JMJD1C: variants seen among roughly 807,000 people sequenced by gnomAD.
JMJD1C encodes jumonji domain-containing protein 1C.
A neutral mutation model predicts 245.3 loss-of-function variants in JMJD1C; 31 were observed. The observed-to-expected ratio is 0.13, with a 90% confidence interval of 0.09 to 0.17. The LOEUF (loss-of-function observed/expected upper bound fraction) is 0.17, where lower values mean the gene tolerates loss of function less well. JMJD1C is among the 10% of genes least tolerant of loss of function. The pLI is 1.00. For synonymous variants in JMJD1C, 1,057 were observed against 1,017.4 expected, an observed-to-expected ratio of 1.04 and a Z score of -0.74; for missense variants, 2,691 against 3,000.2, an observed-to-expected ratio of 0.90 and a Z score of 2.41.
At chr10:63,343,333 T>G (rs972680343) in intron 2 of JMJD1C, among the ~76,000 whole-genome samples, 4 of 151,538 alleles carry the variant, frequency 2.6e-5, no homozygotes, top group Non-Finnish European at 5.9e-5. Context: ...ACCATTACAT[T>G]TCAGCCTGGG....
At chr10:63,189,655 GC>G (rs1399131085) in intron 17 of JMJD1C, among the ~76,000 whole-genome samples, 3 of 152,110 alleles carry the variant, frequency 2.0e-5, no homozygotes, top group Non-Finnish European at 4.4e-5. Context: ...TAGAAGTACA[GC>G]CTTCCTGTCT....
At chr10:63,174,500 T>G (rs771295043) in intron 24 of JMJD1C, among the ~76,000 whole-genome samples, 3 of 151,836 alleles carry the variant, frequency 2.0e-5, no homozygotes, top group Non-Finnish European at 4.4e-5. Context: ...AAAAGCAGAT[T>G]AGTTGCAGGA....
chr10:63,219,809 T>C (rs905523160), intron 4 of JMJD1C, 69 bp downstream of exon 4: 18 of 1,066,026 alleles, frequency 1.7e-5, no homozygotes, highest in Non-Finnish European at 2.5e-5. Context: ...CACAATTGAA[T>C]AACCAAAAAC....
intron 1 of JMJD1C, among the ~76,000 whole-genome samples, chr10:63,414,063 T>C (rs2132684809): frequency 6.6e-6 from 1 of 150,828 alleles, no homozygotes; most frequent in South Asian, 2.1e-4. Flanking sequence ...CTTGGCTCAC[T>C]GCAAGCCCCA....
At chr10:63,385,886 A>G (rs1947552062) in intron 1 of JMJD1C, among the ~76,000 whole-genome samples, 1 of 152,056 alleles carries the variant, frequency 6.6e-6, no homozygotes, top group African/African-American at 2.4e-5. Flanking sequence ...GTATTTTAAG[A>G]CAATAAAAAG....
At chr10:63,353,373 T>C (rs928223989) in intron 2 of JMJD1C, among the ~76,000 whole-genome samples, 4 of 152,236 alleles carry the variant, frequency 2.6e-5, no homozygotes, top group African/African-American at 9.6e-5. Context: ...GCAAGTCTTA[T>C]AAATGAATAT....
chr10:63,501,943 C>A (rs1954575446), intron 1 of JMJD1C, among the ~76,000 whole-genome samples: 1 of 152,036 alleles, frequency 6.6e-6, no homozygotes, highest in Non-Finnish European at 1.5e-5. Flanking sequence ...GTAAAGACTT[C>A]ATTTTGGTAT....
intron 2 of JMJD1C, among the ~76,000 whole-genome samples, chr10:63,336,461 A>AAAT (rs1018901908): frequency 4.6e-5 from 7 of 152,148 alleles, no homozygotes; most frequent in African/African-American, 1.7e-4. Context: ...CTGTCTCAAA[A>AAAT]AATAATAATA....
intron 2 of JMJD1C, among the ~76,000 whole-genome samples, chr10:63,314,759 TG>T (rs1939722199): frequency 6.6e-6 from 1 of 152,026 alleles, no homozygotes; most frequent in African/African-American, 2.4e-5. Flanking sequence ...GCGATTCTCC[TG>T]CCTCAGCCAC....
At chr10:63,482,592 C>T (rs569124176) in intron 1 of JMJD1C, among the ~76,000 whole-genome samples, 2 of 152,102 alleles carry the variant, frequency 1.3e-5, no homozygotes, top group South Asian at 2.1e-4. Flanking sequence ...GCTGACATCG[C>T]GCCACTGCAC....
At chr10:63,188,983 C>T (rs1844451505) in intron 18 of JMJD1C, among the ~76,000 whole-genome samples, 185 bp downstream of exon 18, 1 of 152,074 alleles carries the variant, frequency 6.6e-6, no homozygotes, top group Non-Finnish European at 1.5e-5. Context: ...TTAAATCTGG[C>T]CAAAAAACAG....
chr10:63,521,615 G>C, intron 1 of JMJD1C: 1 of 1,370,858 alleles, frequency 7.3e-7, no homozygotes, highest in South Asian at 1.6e-5. Context: ...CCGGCGCGAG[G>C]CCCAGGGGAG....
At chr10:63,409,639 G>T (rs192479089) in intron 1 of JMJD1C, among the ~76,000 whole-genome samples, 1 of 152,206 alleles carries the variant, frequency 6.6e-6, no homozygotes, top group Non-Finnish European at 1.5e-5. Context: ...GAGAAGGTAA[G>T]ATTGTAAATG....
chr10:63,359,092 A>C (rs1945108397), intron 2 of JMJD1C: 1 of 153,252 alleles, frequency 6.5e-6, no homozygotes, highest in Non-Finnish European at 1.5e-5. Flanking sequence ...AATATTTGAG[A>C]ACCTAAATTC....
chr10:63,275,903 T>G (rs1355445451), intron 2 of JMJD1C, among the ~76,000 whole-genome samples: 1 of 152,204 alleles, frequency 6.6e-6, no homozygotes, highest in African/African-American at 2.4e-5. Context: ...AATAATCTTC[T>G]CATGTTCTTA....
intron 2 of JMJD1C, among the ~76,000 whole-genome samples, chr10:63,316,739 C>G (rs964270461): frequency 6.6e-6 from 1 of 152,058 alleles, no homozygotes; most frequent in Non-Finnish European, 1.5e-5. Flanking sequence ...TGAGCCACCA[C>G]AGCTGGCCAA....
Position 63,200,642 on chromosome 10 carries a change from T to C in JMJD1C, c.5110A>G (p.Lys1704Glu). The change falls in exon 11 of 26, where the codon AAA (lysine) becomes GAA (glutamate). Residue 1704 changes from lysine to glutamate, a missense_variant. Lys to Glu is a moderately conservative substitution (Grantham distance 56, BLOSUM62 1). Coordinates refer to ENST00000399262, the MANE Select transcript of JMJD1C (RefSeq NM_032776.3). ...IPRSVLKDWR[K>E]VKKLKQTGES... ...CCAGTTTGCTTCAGCTTCTTGACTT[T>C]ACGCCAATCTTTCAATACTGAACGA... is the stretch of plus-strand genomic sequence containing the variant. 2 of 1,614,096 alleles carry C rather than the reference T, an allele frequency of 1.2e-6. No individual in the cohort carries two copies. The highest frequency in any genetic ancestry group is 1.7e-6 in the Non-Finnish European group (2 of 1,179,958).
rs73290429 is a variant in JMJD1C, at chr10:63,247,829, C to T, written c.447+16822G>A. ...ACTACTGAATTCTATATGAATCATA[C>T]TCAAATGCATAAAACAAAACAAAAC... On this transcript the variant is annotated intron_variant, in intron 3 of 25. Coordinates refer to ENST00000399262, the MANE Select transcript of JMJD1C (RefSeq NM_032776.3). Among the ~76,000 whole-genome samples, 1,104 of 125,034 alleles carry T rather than the reference C, an allele frequency of 8.8e-3. 12 individuals carry two copies. The highest frequency in any genetic ancestry group is 0.027 in the African/African-American group (1,026 of 37,984). 82.0% of individuals were successfully genotyped at this position (125,034 alleles called of 152,430 possible).
chr10:63,273,915 TAAAATAA>T (rs1856553910), intron 2 of JMJD1C, among the ~76,000 whole-genome samples: 2 of 152,176 alleles, frequency 1.3e-5, no homozygotes, highest in African/African-American at 4.8e-5. Context: ...TTTTAGGAGT[TAAAATAA>T]ACAAAGATTT....
Sources: allele counts gnomAD v4.1 joint callset (sites outside exome capture counted in the v4.1 genomes callset), GRCh38; gene constraint gnomAD v4.1.1; transcripts MANE v1.5; gene names NCBI Gene and HGNC (gene_info 2026-07-23, HGNC 2026-07-21).